PTK2B: variants seen among roughly 807,000 people sequenced by gnomAD.
The protein encoded by PTK2B is protein tyrosine kinase 2 beta.
In PTK2B, 71 loss-of-function variants were observed where a neutral mutation model predicts 142.9. The ratio of observed to expected loss-of-function variants is 0.50; its 90% CI spans 0.41 to 0.61. PTK2B has a LOEUF of 0.61. PTK2B is among the 20% of genes least tolerant of loss of function. The pLI is 0.00. For missense variants in PTK2B, 1,105 were observed against 1,320.4 expected (o/e 0.84, Z 2.53); for synonymous variants, 519 against 503.4 (o/e 1.03, Z -0.42).
At chr8:27,372,707 G>A (rs1806434109) in intron 1 of PTK2B, among the ~76,000 whole-genome samples, 1 of 152,150 alleles carries the variant, frequency 6.6e-6, no homozygotes, top group African/African-American at 2.4e-5. Context: ...AGTTGAGATA[G>A]CCTAGAGGAG....
chr8:27,397,250 C>T (rs943806111), intron 1 of PTK2B, among the ~76,000 whole-genome samples: 5 of 152,186 alleles, frequency 3.3e-5, no homozygotes, highest in African/African-American at 9.7e-5. Context: ...GGCCCCTTGC[C>T]TGGGTGCCAG....
chr8:27,311,191 G>A (rs777843116), upstream of PTK2B: 1 of 1,598,338 alleles, frequency 6.3e-7, no homozygotes, highest in Non-Finnish European at 8.5e-7. Context: ...ACTCCTCCTT[G>A]AAGGAGCGGG....
chr8:27,342,311 G>A (rs1255318892), intron 1 of PTK2B, among the ~76,000 whole-genome samples: 2 of 150,888 alleles, frequency 1.3e-5, no homozygotes, highest in African/African-American at 4.9e-5. Context: ...TCTTGAGACA[G>A]GGTCTCACTC....
At chr8:27,427,998 T>C (rs573096711) in intron 5 of PTK2B, among the ~76,000 whole-genome samples, 1 of 152,110 alleles carries the variant, frequency 6.6e-6, no homozygotes, top group South Asian at 2.1e-4. Context: ...TTATAATATA[T>C]AATAAAATAA....
chr8:27,437,972 CAG>C (rs1810897496), intron 18 of PTK2B, 92 bp downstream of exon 18: 1 of 1,135,286 alleles, frequency 8.8e-7, no homozygotes, highest in Non-Finnish European at 1.3e-6. Context: ...GTGGGTGACA[CAG>C]AGCAGTGTTG....
At chr8:27,383,264 C>T (rs375696472) in intron 1 of PTK2B, among the ~76,000 whole-genome samples, 3 of 152,130 alleles carry the variant, frequency 2.0e-5, no homozygotes, top group South Asian at 4.2e-4. Context: ...CAACACACGC[C>T]GAGATGGAGT....
intron 2 of PTK2B, among the ~76,000 whole-genome samples, chr8:27,403,594 G>A (rs1421852964): frequency 6.6e-6 from 1 of 152,132 alleles, no homozygotes; most frequent in African/African-American, 2.4e-5. Flanking sequence ...TTGTTTAGGA[G>A]CTCTGAATTT....
chr8:27,353,949 C>T (rs1805251689), intron 1 of PTK2B, among the ~76,000 whole-genome samples: 1 of 152,154 alleles, frequency 6.6e-6, no homozygotes, highest in Admixed American at 6.5e-5. Flanking sequence ...TTCACCTTGG[C>T]TCACATACCC....
intron 1 of PTK2B, among the ~76,000 whole-genome samples, chr8:27,347,730 G>A (rs1007254559): frequency 2.6e-5 from 4 of 152,160 alleles, no homozygotes; most frequent in East Asian, 3.8e-4. Context: ...AGTACTGGGG[G>A]TTAGGACCTC....
In PTK2B at chr8:27,454,348, A is replaced by T. The variant is rs1054779564; in HGVS notation, c.2733+57A>T. 4.4e-6 allele frequency: 7 copies of T among 1,589,688 alleles called. No homozygotes were observed. In the African/African-American group the frequency reaches 6.7e-5, roughly 15 times the overall value. ...GCGGCTCAAGTCCGCCCTGGAAGGAAAGGGGACTGCGCTTCCTGTTGGCTG... is the reference window on the plus strand; with the variant it reads ...GCGGCTCAAGTCCGCCCTGGAAGGATAGGGGACTGCGCTTCCTGTTGGCTG... On this transcript the variant is annotated intron_variant, in intron 29 of 30. Coordinates refer to ENST00000346049, the MANE Select transcript of PTK2B (RefSeq NM_173176.3).
chr8:27,402,829 C>A (rs1808462239), intron 2 of PTK2B, among the ~76,000 whole-genome samples: 1 of 152,248 alleles, frequency 6.6e-6, no homozygotes, highest in Non-Finnish European at 1.5e-5. Flanking sequence ...TCATTTGATT[C>A]ACTGTAATAG....
chr8:27,406,403 A>G (rs980685644), intron 2 of PTK2B, among the ~76,000 whole-genome samples: 1 of 152,264 alleles, frequency 6.6e-6, no homozygotes, highest in Non-Finnish European at 1.5e-5. Flanking sequence ...AGATCATAGT[A>G]TCTGTCACTG....
intron 19 of PTK2B, 36 bp from the exon 20 acceptor site, chr8:27,439,273 T>C (rs1811001319): frequency 6.3e-7 from 1 of 1,578,264 alleles, no homozygotes; most frequent in African/African-American, 1.3e-5. Context: ...TTCTGATCTT[T>C]CTTCCCTAAA....
chr8:27,440,028 C>T (rs1811057804), intron 20 of PTK2B, among the ~76,000 whole-genome samples: 1 of 152,154 alleles, frequency 6.6e-6, no homozygotes, highest in Admixed American at 6.5e-5. Context: ...AGGGGTCTAG[C>T]GAGCAAGGCC....
In PTK2B at chr8:27,450,903, C is replaced by T. The variant is rs1257461186; in HGVS notation, c.2487+8C>T. On this transcript the variant is annotated splice_region_variant and intron_variant, in intron 25 of 30. Transcript: ENST00000346049. ...CAGGAGGAGAAGTCCCTGGTGAGCA[C>T]CCCAGGAAGGATGTCGGTGCCCTGC... 3 of 1,614,094 alleles carry T rather than the reference C, an allele frequency of 1.9e-6. No individual in the cohort carries two copies. The East Asian group carries it at 6.7e-5, about 36-fold the overall frequency.
At chr8:27,337,627 C>T (rs963890854) in intron 1 of PTK2B, among the ~76,000 whole-genome samples, 12 of 152,316 alleles carry the variant, frequency 7.9e-5, no homozygotes, top group South Asian at 4.1e-4. Flanking sequence ...CCTTTCGCGA[C>T]GGCTGCTTTC....
rs529298731 is a variant in PTK2B, at chr8:27,379,280, C to T, written c.-37-18268C>T. 5.3e-5 allele frequency among the ~76,000 whole-genome samples: 8 copies of T among 152,340 alleles called. 1 individual carries two copies. In the South Asian group the frequency reaches 6.2e-4, roughly 12 times the overall value. On this transcript the variant is annotated intron_variant, in intron 1 of 30. Coordinates refer to ENST00000346049, the MANE Select transcript of PTK2B (RefSeq NM_173176.3). ...TTTTGGAGACAGGGTCTCATTCTGT[C>T]GCCCAGGCTGGAGTGCAATGGCACA...
At chr8:27,423,802 G>A (rs1420541078) in intron 5 of PTK2B, among the ~76,000 whole-genome samples, 1 of 152,116 alleles carries the variant, frequency 6.6e-6, no homozygotes, top group African/African-American at 2.4e-5. Context: ...TTCAGCATCT[G>A]AGGCTTTTGG....
intron 24 of PTK2B, 29 bp from the exon 25 acceptor site, chr8:27,450,720 C>T (rs1191510634): frequency 1.2e-6 from 2 of 1,613,456 alleles, no homozygotes; most frequent in South Asian, 1.1e-5. Context: ...CTCATTGCAT[C>T]CTCTCCCTTC....
Sources: gnomAD v4.1 joint callset for allele counts (sites outside exome capture counted in the v4.1 genomes callset) on GRCh38, gnomAD v4.1.1 for gene constraint, MANE v1.5 for transcripts, NCBI Gene and HGNC (gene_info 2026-07-23, HGNC 2026-07-21) for gene names.